Variants in TECTB observed in about 807,000 individuals in gnomAD.
The protein encoded by TECTB is tectorin beta.
Under a neutral mutation model 43.3 loss-of-function variants are expected in TECTB, and 45 were observed. The ratio of observed to expected loss-of-function variants is 1.04; its 90% CI spans 0.82 to 1.33. TECTB has a LOEUF of 1.33. TECTB is among the 40% of genes most tolerant of loss of function. The pLI is 0.00. For missense variants in TECTB, 399 were observed against 404.7 expected (o/e 0.99, Z 0.12); for synonymous variants, 169 against 156.7 (o/e 1.08, Z -0.59).
intron 3 of TECTB, among the ~76,000 whole-genome samples, chr10:112,285,692 C>T (rs1342600774): frequency 6.6e-6 from 1 of 152,162 alleles, no homozygotes; most frequent in African/African-American, 2.4e-5. Context: ...CAGAAGGGAA[C>T]ACTCTAGAAA....
In TECTB at chr10:112,301,989, G is replaced by T. The variant is rs1848616048; in HGVS notation, c.908-112G>T. The T allele has an allele frequency of 3.8e-6, 5 of 1,307,114 alleles. No homozygotes were observed. The South Asian group carries it at 5.3e-5, about 14-fold the overall frequency. The allele number at this position is 1,307,114 out of a possible 1,614,324, so 81.0% of individuals were successfully genotyped here. ...GCCTCCCAAAGTGCTGGGATTACAA[G>T]TGTGAGCCGCAGCCCCCAGCCAGGT... On this transcript the variant is annotated intron_variant, in intron 9 of 10. Transcript: ENST00000646139.
intron 9 of TECTB, among the ~76,000 whole-genome samples, chr10:112,301,407 C>CA (rs748878707): frequency 0.23 from 31,093 of 132,694 alleles, 3,519 homozygotes; most frequent in African/African-American, 0.3. Context: ...AACTCTGTCT[C>CA]AAAAAAAAAA....
intron 5 of TECTB, among the ~76,000 whole-genome samples, chr10:112,286,955 T>C (rs191093074): frequency 1.4e-4 from 21 of 152,166 alleles, no homozygotes; most frequent in Admixed American, 1.3e-4. Flanking sequence ...AAAACCAATC[T>C]TCCGCAAAGA....
chr10:112,294,622 A>C (rs1848529657), intron 7 of TECTB, among the ~76,000 whole-genome samples: 1 of 152,224 alleles, frequency 6.6e-6, no homozygotes, highest in South Asian at 2.1e-4. Context: ...GTAAAGCACT[A>C]AAGTAGTACT....
chr10:112,299,409 C>A (rs918534554), intron 8 of TECTB, 83 bp from the exon 9 acceptor site: 6 of 1,367,466 alleles, frequency 4.4e-6, no homozygotes, highest in East Asian at 2.3e-5. Flanking sequence ...TTTAAAATAT[C>A]TTTTCTTTCT....
Position 112,303,393 on chromosome 10 carries a change from GAACA to G in TECTB, c.*86_*89del, listed in dbSNP as rs1254112490. On this transcript the variant is annotated 3_prime_UTR_variant, in exon 11 of 11. Coordinates refer to ENST00000646139, the MANE Select transcript of TECTB (RefSeq NM_058222.3). Reference sequence around the variant, plus strand: ...AACACATTTATTGTGCTGCCAAAAAGAACAAACAGAAGACCACATTGTTGGGGGG... The same window carrying G: ...AACACATTTATTGTGCTGCCAAAAAGAACAGAAGACCACATTGTTGGGGGG... 2.6e-6 allele frequency: 4 copies of G among 1,553,072 alleles called. No homozygotes were observed. The highest frequency in any genetic ancestry group is 4.5e-5 in the East Asian group (2 of 44,460).
chr10:112,290,986 T>C (rs1564707898), intron 5 of TECTB, among the ~76,000 whole-genome samples: 1 of 152,130 alleles, frequency 6.6e-6, no homozygotes, highest in Non-Finnish European at 1.5e-5. Flanking sequence ...CCACTTTATT[T>C]TATCTTTATT....
Position 112,303,668 on chromosome 10 carries a change from A to G in TECTB, c.*356A>G, listed in dbSNP as rs530423936. On this transcript the variant is annotated 3_prime_UTR_variant, in exon 11 of 11. Coordinates refer to ENST00000646139, the MANE Select transcript of TECTB (RefSeq NM_058222.3). Reference sequence around the variant, plus strand: ...AGTACTGCTGAGCATTTTGAAGAGAATGTAGGGTGCAACTACAAAGTCAAC... The same window carrying G: ...AGTACTGCTGAGCATTTTGAAGAGAGTGTAGGGTGCAACTACAAAGTCAAC... The G allele has an allele frequency of 1.6e-5, 4 of 243,900 alleles. No individual in the cohort carries two copies. In the South Asian group the frequency reaches 3.8e-4, roughly 23 times the overall value. 15.1% of individuals were successfully genotyped at this position (243,900 alleles called of 1,614,324 possible). A position where few individuals can be genotyped will look rare whatever the true frequency, so the allele number is the denominator to read the frequency against.
At chr10:112,286,449 TGGGATGCTTCCTC>T in intron 5 of TECTB, 58 bp downstream of exon 5, 1 of 1,541,610 alleles carries the variant, frequency 6.5e-7, no homozygotes, top group South Asian at 1.2e-5. Flanking sequence ...TAGGAGATGG[TGGGATGCTTCCTC>T]GGGATTCAGT....
At position 112,283,650 on chromosome 10, in the gene TECTB, T is replaced by C; in HGVS notation, c.-85T>C. The C allele has an allele frequency of 8.1e-7, 1 of 1,241,030 alleles. No homozygotes were observed. Among genetic ancestry groups the C allele is most frequent in the Non-Finnish European group, 1.2e-6 (1 of 865,080 alleles). The allele number at this position is 1,241,030 out of a possible 1,614,324, so 76.9% of individuals were successfully genotyped here. On this transcript the variant is annotated splice_region_variant and 5_prime_UTR_variant, in exon 2 of 11. The change abolishes an upstream ATG in the 5' untranslated region. Coordinates refer to ENST00000646139, the MANE Select transcript of TECTB (RefSeq NM_058222.3). ...TTTCATTCATGTTTCTGACTTAGAA[T>C]GATCGAGGCTCAGGCCCTGGAAGGA...
At position 112,284,416 on chromosome 10, in the gene TECTB, G is replaced by A. The variant is rs569676868; in HGVS notation, c.77-119G>A. ...TGTCACAGCTGGTGAGGAATAGCAG[G>A]GAAGGTGTTTTTAACCAACTGCTTT... is the stretch of plus-strand genomic sequence containing the variant. On this transcript the variant is annotated intron_variant, in intron 2 of 10. Coordinates refer to ENST00000646139, the MANE Select transcript of TECTB (RefSeq NM_058222.3). The A allele has an allele frequency of 6.2e-6, 6 of 960,530 alleles. No individual in the cohort carries two copies. In the Admixed American group the frequency reaches 1.1e-4, roughly 18 times the overall value. The allele number at this position is 960,530 out of a possible 1,614,324, so 59.5% of individuals were successfully genotyped here.
intron 7 of TECTB, 78 bp from the exon 8 acceptor site, chr10:112,297,991 T>G: frequency 6.3e-7 from 1 of 1,597,688 alleles, no homozygotes; most frequent in Non-Finnish European, 8.6e-7. Flanking sequence ...CTCGGGAGCC[T>G]TGTGTGTAAA....
At chr10:112,292,765 C>A (rs1286083262) in intron 5 of TECTB, among the ~76,000 whole-genome samples, 1 of 152,016 alleles carries the variant, frequency 6.6e-6, no homozygotes, top group Non-Finnish European at 1.5e-5. Context: ...TCTTGATCAG[C>A]CCCCACAACT....
chr10:112,295,000 G>T (rs902092917), intron 7 of TECTB, among the ~76,000 whole-genome samples: 2 of 152,140 alleles, frequency 1.3e-5, no homozygotes, highest in African/African-American at 2.4e-5. Flanking sequence ...ATGGATTCTC[G>T]CTGAGTTCAC....
chr10:112,297,761 G>A (rs530665666), intron 7 of TECTB, among the ~76,000 whole-genome samples: 24 of 152,208 alleles, frequency 1.6e-4, no homozygotes, highest in African/African-American at 4.3e-4. Flanking sequence ...TCCAGTCCTC[G>A]GAGGGCCTTA....
At chr10:112,303,057 G>T in intron 10 of TECTB, 1 of 582,504 alleles carries the variant, frequency 1.7e-6, no homozygotes, top group African/African-American at 1.9e-5. Context: ...ATTTCTATTT[G>T]TCAGAGGTCC....
At position 112,283,683 on chromosome 10, in the gene TECTB, C is replaced by T. The variant is rs1848430811; in HGVS notation, c.-52C>T. The T allele has an allele frequency of 3.2e-6, 5 of 1,583,060 alleles. No individual in the cohort carries two copies. Among genetic ancestry groups the T allele is most frequent in the Non-Finnish European group, 4.3e-6 (5 of 1,153,688 alleles). On this transcript the variant is annotated 5_prime_UTR_variant, in exon 2 of 11. Coordinates refer to ENST00000646139, the MANE Select transcript of TECTB (RefSeq NM_058222.3). ...GCTCAGGCCCTGGAAGGACCGTAAA[C>T]ATTTGGCCAGCTTGGTTTGGATACC... is the stretch of plus-strand genomic sequence containing the variant.
In TECTB at chr10:112,298,107, G is replaced by C; in HGVS notation, c.710G>C (p.Gly237Ala). The C allele has an allele frequency of 6.2e-7, 1 of 1,614,198 alleles. No individual in the cohort carries two copies. Among genetic ancestry groups the C allele is most frequent in the Non-Finnish European group, 8.5e-7 (1 of 1,180,038 alleles). ...GAAACCGTCCTCGTGCATGAGAATG[G>C]GAGAGATCACAGGGCAACCTTCCAA... ...TDETVLVHENGRDHRATFQFN... is the reference protein window; with the variant it reads ...TDETVLVHENARDHRATFQFN... Residue 237 changes from glycine (G) to alanine (A), a missense_variant, in exon 8 of 11, where the codon GGG becomes GCG. Physicochemically the swap from Gly to Ala is moderately conservative, Grantham distance 60. Transcript: ENST00000646139.
At chr10:112,301,083 C>A (rs1411457654) in intron 9 of TECTB, among the ~76,000 whole-genome samples, 1 of 152,040 alleles carries the variant, frequency 6.6e-6, no homozygotes, top group Non-Finnish European at 1.5e-5. Flanking sequence ...TTATGTGGTT[C>A]AAAAAAAGAA....
Sources: gnomAD v4.1 joint callset for allele counts (sites outside exome capture counted in the v4.1 genomes callset) on GRCh38, gnomAD v4.1.1 for gene constraint, MANE v1.5 for transcripts, NCBI Gene and HGNC (gene_info 2026-07-23, HGNC 2026-07-21) for gene names.